Variants in BDP1 observed in about 807,000 individuals in gnomAD.
The protein encoded by BDP1 is BDP1 general transcription factor IIIB subunit.
A neutral mutation model predicts 266.6 loss-of-function variants in BDP1; 169 were observed. The observed-to-expected ratio is 0.63, with a 90% CI of 0.56 to 0.72. The LOEUF (loss-of-function observed/expected upper bound fraction) is 0.72. Among genes scored for constraint, BDP1 ranks in the 30% least tolerant of loss-of-function variants. The pLI, the probability that BDP1 is intolerant of heterozygous loss-of-function variation, is 0.00. For synonymous variants in BDP1, 1,090 were observed against 1,022.4 expected (o/e 1.07, Z -1.26); for missense variants, 3,015 against 3,053.8 (o/e 0.99, Z 0.30).
intron 26 of BDP1, among the ~76,000 whole-genome samples, chr5:71,537,051 C>G (rs1766647256): frequency 6.6e-6 from 1 of 151,144 alleles, no homozygotes. Flanking sequence ...TTGCTTGAAC[C>G]CAGGAGGCGA....
intron 13 of BDP1, among the ~76,000 whole-genome samples, chr5:71,500,312 G>GT (rs1764150146): frequency 4.7e-5 from 3 of 64,256 alleles, no homozygotes; most frequent in African/African-American, 6.2e-5. Flanking sequence ...TTGTAATCTT[G>GT]TTTCTTTTTT....
chr5:71,481,411 AAAAAG>A (rs1246105471), intron 7 of BDP1, among the ~76,000 whole-genome samples: 1 of 149,432 alleles, frequency 6.7e-6, no homozygotes, highest in African/African-American at 2.5e-5. Flanking sequence ...AAAAAAAAAA[AAAAAG>A]CCAGGCTTGG....
At chr5:71,542,506 CTCTT>C (rs1201789601) in intron 30 of BDP1, among the ~76,000 whole-genome samples, 8 of 152,108 alleles carry the variant, frequency 5.3e-5, no homozygotes, top group Non-Finnish European at 8.8e-5. Flanking sequence ...CTCTGTCTCT[CTCTT>C]TCTCTCATTC....
chr5:71,514,926 T>G lies in BDP1; in HGVS notation c.4471-18T>G, dbSNP rs1765141786. ...TACTTTTAGCAACTGTGAATGAAATTTTTTTTCTGTCTTCTAGGATGAAGC... is the reference window on the plus strand; with the variant it reads ...TACTTTTAGCAACTGTGAATGAAATGTTTTTTCTGTCTTCTAGGATGAAGC... On this transcript the variant is annotated intron_variant, in intron 19 of 38. Transcript: ENST00000358731. 2 of 1,566,142 alleles carry G rather than the reference T, an allele frequency of 1.3e-6. No homozygotes were observed. Among genetic ancestry groups the G allele is most frequent in the Non-Finnish European group, 1.7e-6 (2 of 1,160,224 alleles).
At chr5:71,457,369 T>C (rs1444102534) in intron 1 of BDP1, among the ~76,000 whole-genome samples, 1 of 150,648 alleles carries the variant, frequency 6.6e-6, no homozygotes, top group Non-Finnish European at 1.5e-5. Flanking sequence ...TCGCCCAGGC[T>C]GAAGTGCAGT....
chr5:71,515,530 A>C (rs767169035), intron 20 of BDP1, among the ~76,000 whole-genome samples: 55 of 152,322 alleles, frequency 3.6e-4, no homozygotes, highest in Non-Finnish European at 6.6e-4. Flanking sequence ...AATCTAAAAA[A>C]ATCTGAAATC....
At chr5:71,526,615 CAAAAAAA>C (rs752124588) in intron 25 of BDP1, among the ~76,000 whole-genome samples, 1 of 49,862 alleles carries the variant, frequency 2.0e-5, no homozygotes. Context: ...GACTCTATCT[CAAAAAAA>C]AAAAAAAAAA....
Position 71,464,094 on chromosome 5 carries a change from A to G in BDP1, c.636A>G (p.Pro212=), listed in dbSNP as rs1430401845. The G allele has an allele frequency of 3.8e-6, 6 of 1,576,564 alleles. No homozygotes were observed. Among genetic ancestry groups the G allele is most frequent in the East Asian group, 2.3e-5 (1 of 44,042 alleles). Residue 212 remains proline (P), a synonymous_variant, in exon 4 of 39, where the codon CCA becomes CCG. Coordinates refer to ENST00000358731, the MANE Select transcript of BDP1 (RefSeq NM_018429.3). ...AACAAGAAAAGAAAACTGAAAAGCC[A>G]TCGACTCCAGTCCAGACAAGAGAGT... ...SLEQEKKTEK[P]STPVQTREQE...
intron 34 of BDP1, among the ~76,000 whole-genome samples, chr5:71,550,437 C>T (rs1280894340): frequency 6.7e-6 from 1 of 149,470 alleles, no homozygotes; most frequent in Non-Finnish European, 1.5e-5. Context: ...TACAGGTGCG[C>T]ACCACTGTGG....
chr5:71,539,515 G>A (rs376665178), intron 27 of BDP1, 42 bp from the exon 28 acceptor site: 124 of 1,485,256 alleles, frequency 8.3e-5, no homozygotes, highest in Non-Finnish European at 1.1e-4. Flanking sequence ...ACAGATTTCC[G>A]GATTCATTCT....
chr5:71,542,042 T>C, intron 29 of BDP1, 63 bp from the exon 30 acceptor site: 2 of 1,342,100 alleles, frequency 1.5e-6, no homozygotes, highest in South Asian at 1.3e-5. Context: ...CTAGACAGAC[T>C]GTATTAATGT....
At chr5:71,532,238 G>A (rs1766290952) in intron 25 of BDP1, 70 bp from the exon 26 acceptor site, 1 of 1,361,010 alleles carries the variant, frequency 7.3e-7, no homozygotes, top group African/African-American at 1.4e-5. Context: ...ACTTATTCAT[G>A]TTGAAGATGA....
intron 7 of BDP1, among the ~76,000 whole-genome samples, chr5:71,480,010 T>A (rs1053086372): frequency 1.3e-5 from 2 of 152,048 alleles, no homozygotes; most frequent in African/African-American, 4.8e-5. Flanking sequence ...AGTGGCGTGA[T>A]CTTGGCTCAC....
chr5:71,465,664 C>T (rs1408501115), intron 4 of BDP1, among the ~76,000 whole-genome samples: 2 of 152,004 alleles, frequency 1.3e-5, no homozygotes, highest in South Asian at 2.1e-4. Context: ...GGGTGGATCA[C>T]GAGGTCAGGA....
At position 71,460,044 on chromosome 5, in the gene BDP1, T is replaced by C. The variant is rs553651910; in HGVS notation, c.489+1189T>C. Among the ~76,000 whole-genome samples the C allele has an allele frequency of 4.6e-5, 7 of 152,252 alleles. No homozygotes were observed. In the East Asian group the frequency reaches 1.2e-3, roughly 25 times the overall value. On this transcript the variant is annotated intron_variant, in intron 2 of 38. Transcript: ENST00000358731. ...AACCTCTATCTAGCTCATTAGAGGG[T>C]TGTGAAGATTAAATGAGTCAATACA...
At chr5:71,551,016 A>T (rs1167726912) in intron 34 of BDP1, among the ~76,000 whole-genome samples, 1 of 152,128 alleles carries the variant, frequency 6.6e-6, no homozygotes. Flanking sequence ...TAGAAGGGAC[A>T]TTTTAGGTTA....
At chr5:71,552,229 G>A (rs1384996176) in intron 34 of BDP1, among the ~76,000 whole-genome samples, 8 of 150,392 alleles carry the variant, frequency 5.3e-5, no homozygotes, top group Admixed American at 4.0e-4. Context: ...ACGGGGCGGC[G>A]GGGCAGAGGC....
intron 15 of BDP1, among the ~76,000 whole-genome samples, chr5:71,504,234 C>T (rs185325199): frequency 6.7e-6 from 1 of 148,470 alleles, no homozygotes. Context: ...GATCATACCA[C>T]TGCACTCCAG....
Position 71,544,437 on chromosome 5 carries a change from C to G in BDP1, c.6493C>G (p.Gln2165Glu). 1.9e-6 allele frequency: 3 copies of G among 1,613,996 alleles called. No homozygotes were observed. The highest frequency in any genetic ancestry group is 2.5e-6 in the Non-Finnish European group (3 of 1,179,924). ...AGTTACAACAGCAGAGAATAAGGAT[C>G]AGAGCAAATTGGCATGTGTACATGG... ...GPVTTAENKD[Q>E]SKLACVHGIK... is the part of the protein sequence containing the mutation. The change falls in exon 31 of 39, where the codon CAG (glutamine) becomes GAG (glutamate). Residue 2165 changes from glutamine (Q) to glutamate (E), a missense_variant. By Grantham distance (29) the Gln-to-Glu change is conservative. Around this residue, in one of 3 missense-constraint regions of BDP1, gnomAD observed 629 missense variants for 632.5 expected, o/e 0.99. Coordinates refer to ENST00000358731, the MANE Select transcript of BDP1 (RefSeq NM_018429.3).
Sources: gnomAD v4.1 joint callset for allele counts (sites outside exome capture counted in the v4.1 genomes callset) on GRCh38, gnomAD v4.1.1 for gene constraint, gnomAD v4.1.1 regional missense constraint, MANE v1.5 for transcripts, NCBI Gene and HGNC (gene_info 2026-07-23, HGNC 2026-07-21) for gene names.